The following GALNT11 variants were observed in gnomAD, a reference collection of about 807,000 sequenced individuals.
The protein encoded by GALNT11 is UDP-GalNAc:polypeptide N-acetylgalactosaminyltransferase 11.
A neutral mutation model predicts 72.7 loss-of-function variants in GALNT11; 47 were observed. The observed-to-expected ratio is 0.65, with a 90% CI of 0.51 to 0.82. GALNT11 has a LOEUF of 0.82. Among genes scored for constraint, GALNT11 ranks in the 40% least tolerant of loss-of-function variants. The pLI is 0.00. For synonymous variants in GALNT11, 270 were observed against 286.6 expected (o/e 0.94, Z 0.58); for missense variants, 677 against 778.4 (o/e 0.87, Z 1.55).
At chr7:152,066,886 C>A (rs113592884) in intron 1 of GALNT11, among the ~76,000 whole-genome samples, 1 of 152,130 alleles carries the variant, frequency 6.6e-6, no homozygotes, top group African/African-American at 2.4e-5. Context: ...TAACAAATAT[C>A]ATAGTAATAA....
chr7:152,118,667 T>A lies in GALNT11; in HGVS notation c.1453-11T>A. The A allele has an allele frequency of 6.2e-7, 1 of 1,606,108 alleles. No individual in the cohort carries two copies. Among genetic ancestry groups the A allele is most frequent in the East Asian group, 2.3e-5 (1 of 44,394 alleles). The stretch of plus-strand genomic sequence containing the variant: ...TGTTTCCCACATTCTGAGCTGTGCC[T>A]TCTCTTACAGCTCTATCACCTCCAG... On this transcript the variant is annotated splice_polypyrimidine_tract_variant and intron_variant, in intron 9 of 11. Transcript: ENST00000430044.
At position 152,043,825 on chromosome 7, in the gene GALNT11, T is replaced by G. The variant is rs181272520; in HGVS notation, c.-39+17941T>G. ...CAAACAAACCTGCTCTGTTACTTCA[T>G]TATACTCTCCTTCCTCCTCATCAGT... On this transcript the variant is annotated intron_variant, in intron 1 of 11. Coordinates refer to ENST00000430044, the MANE Select transcript of GALNT11 (RefSeq NM_022087.4). Among the ~76,000 whole-genome samples, 8 of 152,340 alleles carry G rather than the reference T, an allele frequency of 5.3e-5. No individual in the cohort carries two copies. In the East Asian group the frequency reaches 1.4e-3, roughly 26 times the overall value.
intron 1 of GALNT11, among the ~76,000 whole-genome samples, chr7:152,035,991 T>G (rs539384965): frequency 2.2e-4 from 33 of 152,194 alleles, no homozygotes; most frequent in Non-Finnish European, 3.8e-4. Flanking sequence ...GCTAACTTGC[T>G]GATGCATGCT....
Position 152,090,473 on chromosome 7 carries a change from G to A in GALNT11, c.-38-3717G>A, listed in dbSNP as rs570421216. Among the ~76,000 whole-genome samples, 7 of 152,280 alleles carry A rather than the reference G, an allele frequency of 4.6e-5. No homozygotes were observed. In the South Asian group the frequency reaches 1.5e-3, roughly 32 times the overall value. ...ATATCCTATGGGTTTTAAAAAAGTTGTATTTTCACTACTTAGGTTCTGTAG... is the reference window on the plus strand; with the variant it reads ...ATATCCTATGGGTTTTAAAAAAGTTATATTTTCACTACTTAGGTTCTGTAG... On this transcript the variant is annotated intron_variant, in intron 1 of 11. Transcript: ENST00000430044.
intron 1 of GALNT11, among the ~76,000 whole-genome samples, chr7:152,039,200 A>G (rs1305732043): frequency 4.6e-5 from 7 of 152,220 alleles, no homozygotes; most frequent in African/African-American, 1.7e-4. Context: ...AATCAATTCC[A>G]TAGGAATCAC....
rs184763995 is a variant in GALNT11 at position 152,120,885 on chromosome 7, G to C, written c.1612G>C (p.Asp538His). Reference protein sequence around the residue: ...ELVLNSLLCLDMSETRSSDPP... With the variant: ...ELVLNSLLCLHMSETRSSDPP... ...GGTTTTAAATAGTCTCCTTTGTCTA[G>C]ATATGTCAGAGACTCGCTCATCAGA... Residue 538 changes from aspartate (D) to histidine (H), a missense_variant, in exon 11 of 12, where the codon GAT becomes CAT. Transcript: ENST00000430044. The C allele has an allele frequency of 1.4e-5, 23 of 1,613,392 alleles. No individual in the cohort carries two copies. The East Asian group carries it at 4.9e-4, about 34-fold the overall frequency.
At chr7:152,120,355 G>A (rs1209006212) in intron 10 of GALNT11, 2 of 168,418 alleles carry the variant, frequency 1.2e-5, no homozygotes, top group African/African-American at 4.8e-5. Context: ...TGGAGAGTGA[G>A]TTGTTCACTG....
intron 1 of GALNT11, among the ~76,000 whole-genome samples, chr7:152,051,092 T>C (rs1016414860): frequency 2.6e-5 from 4 of 152,176 alleles, no homozygotes; most frequent in Admixed American, 6.5e-5. Context: ...TTAGTTCTTA[T>C]GAAGGTGCTT....
intron 6 of GALNT11, among the ~76,000 whole-genome samples, chr7:152,109,557 A>G (rs2087959638): frequency 6.6e-6 from 1 of 152,156 alleles, no homozygotes; most frequent in Non-Finnish European, 1.5e-5. Flanking sequence ...TATACTGAGC[A>G]GTTAAAGTCT....
At chr7:152,081,954 T>C (rs1325149708) in intron 1 of GALNT11, among the ~76,000 whole-genome samples, 1 of 152,232 alleles carries the variant, frequency 6.6e-6, no homozygotes, top group East Asian at 1.9e-4. Flanking sequence ...ATTGCTCTAT[T>C]GTGTGGATAG....
At chr7:152,105,489 A>C in intron 5 of GALNT11, 119 bp downstream of exon 5, 1 of 1,402,308 alleles carries the variant, frequency 7.1e-7, no homozygotes, top group South Asian at 1.5e-5. Context: ...CATTGCCAGC[A>C]GGAGAGATGA....
At chr7:152,030,800 T>C (rs1050150619) in intron 1 of GALNT11, among the ~76,000 whole-genome samples, 1 of 152,202 alleles carries the variant, frequency 6.6e-6, no homozygotes, top group Admixed American at 6.5e-5. Flanking sequence ...TTCCTCTCTC[T>C]GTGTCTCTCT....
rs187799571 is a variant in GALNT11 at position 152,107,348 on chromosome 7, G to A, written c.713-690G>A. On this transcript the variant is annotated intron_variant, in intron 5 of 11. Transcript: ENST00000430044. The stretch of plus-strand genomic sequence containing the variant: ...ATATGTTGCTAACTAGAAGAAAGGT[G>A]TATCCCATTGGCAGGTGAGAGCCAC... The A allele has an allele frequency of 4.1e-4, 62 of 152,252 alleles. 1 individual carries two copies. Among genetic ancestry groups the A allele is most frequent in the African/African-American group, 1.5e-3 (61 of 41,518 alleles). 9.4% of individuals were successfully genotyped at this position (152,252 alleles called of 1,614,324 possible). A position where few individuals can be genotyped will look rare whatever the true frequency, so the allele number is the denominator to read the frequency against.
intron 1 of GALNT11, among the ~76,000 whole-genome samples, chr7:152,028,031 T>C (rs995633320): frequency 6.6e-6 from 1 of 152,192 alleles, no homozygotes; most frequent in African/African-American, 2.4e-5. Context: ...CTCACTGACT[T>C]CAGGAGTGAA....
At chr7:152,063,377 G>A (rs745468869) in intron 1 of GALNT11, among the ~76,000 whole-genome samples, 9 of 151,872 alleles carry the variant, frequency 5.9e-5, no homozygotes, top group Non-Finnish European at 1.2e-4. Context: ...TCTTGCTAGC[G>A]GTCTATCAAT....
At chr7:152,117,005 C>T (rs1410655077) in intron 8 of GALNT11, 152 bp from the exon 9 acceptor site, 8 of 736,666 alleles carry the variant, frequency 1.1e-5, no homozygotes, top group East Asian at 5.4e-5. Context: ...CTCATATATA[C>T]GCCTGTTTCA....
intron 1 of GALNT11, among the ~76,000 whole-genome samples, chr7:152,052,179 A>G (rs2083437788): frequency 6.6e-6 from 1 of 152,160 alleles, no homozygotes; most frequent in South Asian, 2.1e-4. Context: ...TGTAACATGC[A>G]TTATACTTCA....
intron 1 of GALNT11, among the ~76,000 whole-genome samples, chr7:152,068,324 T>C (rs2084433707): frequency 6.6e-6 from 1 of 152,214 alleles, no homozygotes; most frequent in African/African-American, 2.4e-5. Context: ...TGCATTTCAG[T>C]TTTTTTCACA....
intron 1 of GALNT11, among the ~76,000 whole-genome samples, chr7:152,027,903 CA>C (rs1215452211): frequency 7.0e-6 from 1 of 143,788 alleles, no homozygotes; most frequent in Non-Finnish European, 1.5e-5. Context: ...TTTTTCCTCC[CA>C]GTGGGTTCAT....
Sources: gnomAD v4.1 joint callset for allele counts (sites outside exome capture counted in the v4.1 genomes callset) on GRCh38, gnomAD v4.1.1 for gene constraint, MANE v1.5 for transcripts, NCBI Gene and HGNC (gene_info 2026-07-23, HGNC 2026-07-21) for gene names.